SCN3A: variants seen among roughly 807,000 people sequenced by gnomAD.
The protein encoded by SCN3A is sodium channel protein type 3 subunit alpha.
In SCN3A, 60 loss-of-function variants were observed where a neutral mutation model predicts 187.6. That is an observed-to-expected ratio of 0.32 (90% confidence interval 0.26 to 0.40). SCN3A has a LOEUF of 0.40. Ranked by LOEUF, SCN3A falls within the 10% of genes least tolerant of loss-of-function variation. SCN3A has a pLI of 1.00. For missense variants in SCN3A, 1,601 were observed against 2,428.2 expected (o/e 0.66, Z 7.16); for synonymous variants, 788 against 829.2 (o/e 0.95, Z 0.85).
rs769077073 is a variant in SCN3A at position 165,155,832 on chromosome 2, G to C, written c.1103C>G (p.Thr368Ser). The C allele has an allele frequency of 6.2e-7, 1 of 1,613,986 alleles. No individual in the cohort carries two copies. The highest frequency in any genetic ancestry group is 1.3e-5 in the African/African-American group (1 of 74,914). ...TAGAGACAGGAAAGCCCAGCTAAAGGTGTCAAAGCTTGTGTAGCCATAGTT... is the reference window on the plus strand; with the variant it reads ...TAGAGACAGGAAAGCCCAGCTAAAGCTGTCAAAGCTTGTGTAGCCATAGTT... ...NPNYGYTSFD[T>S]FSWAFLSLFR... Residue 368 changes from threonine (T) to serine (S), a missense_variant, in exon 10 of 28, where the codon ACC becomes AGC. This residue lies in a region of SCN3A where 47 missense variants were observed against 105.8 expected (regional missense o/e 0.44). Transcript: ENST00000283254.
At chr2:165,141,048 C>G (rs374415888) in intron 12 of SCN3A, 50 bp from the exon 13 acceptor site, 3 of 1,196,996 alleles carry the variant, frequency 2.5e-6, no homozygotes, top group Admixed American at 2.1e-5. Context: ...AGGGGAAGAA[C>G]GCAATTATTT....
chr2:165,203,263 A>G (rs1308425057), intron 1 of SCN3A, among the ~76,000 whole-genome samples: 2 of 152,016 alleles, frequency 1.3e-5, no homozygotes, highest in African/African-American at 2.4e-5. Flanking sequence ...TGAAGGTTCA[A>G]CCTCTTTTAA....
chr2:165,135,967 C>T (rs1308089553), intron 15 of SCN3A, among the ~76,000 whole-genome samples: 1 of 152,118 alleles, frequency 6.6e-6, no homozygotes, highest in African/African-American at 2.4e-5. Context: ...CACTTTCCCA[C>T]CTCATTATTT....
chr2:165,105,719 C>T (rs1276004826), intron 21 of SCN3A, among the ~76,000 whole-genome samples: 2 of 152,066 alleles, frequency 1.3e-5, no homozygotes, highest in Non-Finnish European at 2.9e-5. Context: ...GAAGTCCAGA[C>T]TGGGAGTGGT....
intron 1 of SCN3A, among the ~76,000 whole-genome samples, chr2:165,190,628 A>G (rs1368132564): frequency 6.8e-6 from 1 of 147,984 alleles, no homozygotes; most frequent in Non-Finnish European, 1.5e-5. Flanking sequence ...AAAACTTTGC[A>G]TCACTTTTTA....
intron 18 of SCN3A, among the ~76,000 whole-genome samples, chr2:165,116,341 TTAAC>T (rs1038534950): frequency 1.3e-5 from 2 of 152,178 alleles, no homozygotes; most frequent in Non-Finnish European, 2.9e-5. Context: ...AATACTTCCT[TTAAC>T]TAAATCATTG....
chr2:165,115,583 CA>C lies in SCN3A; in HGVS notation c.3394-9del. On this transcript the variant is annotated splice_polypyrimidine_tract_variant and intron_variant, in intron 18 of 27. Transcript: ENST00000283254. ...GCTGGTTGCATTTAATTTCTGGAAA[CA>C]AAATCCCATTTCAAAGATGTGATTT... The C allele has an allele frequency of 6.2e-7, 1 of 1,612,962 alleles. No homozygotes were observed. Among genetic ancestry groups the C allele is most frequent in the Non-Finnish European group, 8.5e-7 (1 of 1,179,394 alleles).
In SCN3A at chr2:165,137,981, A is replaced by C. The variant is rs1687768376; in HGVS notation, c.2289T>G (p.Asp763Glu). ...AGACAATGCAAATAGTGATGGCAAG[A>C]TCAACAAATGGATCCATAACAATTA... ...VNLIVMDPFV[D>E]LAITICIVLN... The change falls in exon 15 of 28, where the codon GAT (aspartate) becomes GAG (glutamate). Residue 763 changes from aspartate (D) to glutamate (E), a missense_variant. This residue lies in a region of SCN3A where 376 missense variants were observed against 476.0 expected (regional missense o/e 0.79). Transcript: ENST00000283254. 6.2e-7 allele frequency: 1 copy of C among 1,613,464 alleles called. No individual in the cohort carries two copies. The highest frequency in any genetic ancestry group is 8.5e-7 in the Non-Finnish European group (1 of 1,179,596).
rs112309296 is a variant in SCN3A at position 165,165,243 on chromosome 2, CCT to C, written c.474-725_474-724del. On this transcript the variant is annotated intron_variant, in intron 5 of 27. Coordinates refer to ENST00000283254, the MANE Select transcript of SCN3A (RefSeq NM_006922.4). ...CTCTCTCTGCCCTCCTTCCTCCCAC[CCT>C]GAGTGTATGTGTGTGTGTGTGCATG... 9.5e-3 allele frequency among the ~76,000 whole-genome samples: 1,441 copies of C among 151,556 alleles called. 16 individuals are homozygous for C. Among genetic ancestry groups the C allele is most frequent in the African/African-American group, 0.033 (1,359 of 41,294 alleles).
chr2:165,163,556 C>T, intron 7 of SCN3A, 62 bp downstream of exon 7: 1 of 1,551,422 alleles, frequency 6.4e-7, no homozygotes, highest in Non-Finnish European at 8.9e-7. Flanking sequence ...TGCTGTAAGT[C>T]ATATAAATTG....
At chr2:165,182,639 C>T (rs1690953972) in intron 2 of SCN3A, among the ~76,000 whole-genome samples, 1 of 150,044 alleles carries the variant, frequency 6.7e-6, no homozygotes. Context: ...TCCAGGTTTC[C>T]AGCTTAAGCC....
At position 165,140,373 on chromosome 2, in the gene SCN3A, T is replaced by C. The variant is rs1211444413; in HGVS notation, c.2019+278A>G. ...TATTTGTCTCGGTAGGTCTACCAAA[T>C]TTGCAGATATGTATTTCATAGCAGA... is the stretch of plus-strand genomic sequence containing the variant. On this transcript the variant is annotated intron_variant, in intron 13 of 27. Transcript: ENST00000283254. The surrounding 1 kb of genome is among the most constrained non-coding windows in gnomAD (Gnocchi z 4.2). Among the ~76,000 whole-genome samples, 1 of 152,074 alleles carries C rather than the reference T, an allele frequency of 6.6e-6. No homozygotes were observed. Among genetic ancestry groups the C allele is most frequent in the East Asian group, 1.9e-4 (1 of 5,166 alleles).
In SCN3A at chr2:165,090,445, G is replaced by C; in HGVS notation, c.5708C>G (p.Ser1903Cys). Residue 1903 changes from serine to cysteine, a missense_variant, in exon 28 of 28, where the codon TCT (serine) becomes TGT (cysteine). Physicochemically the swap from Ser to Cys is moderately radical, Grantham distance 112. Coordinates refer to ENST00000283254, the MANE Select transcript of SCN3A (RefSeq NM_006922.4). This position sits in a 1 kb window ranked among gnomAD's most constrained non-coding sequence, Gnocchi z 4.0. ...TTLKRKQEEV[S>C]AAIIQRNFRC... ...GAAATTACGCTGAATGATAGCGGCA[G>C]ACACCTCCTCTTGTTTACGTTTCAA... The C allele has an allele frequency of 6.2e-7, 1 of 1,613,984 alleles. No individual in the cohort carries two copies. Among genetic ancestry groups the C allele is most frequent in the Non-Finnish European group, 8.5e-7 (1 of 1,179,900 alleles).
intron 11 of SCN3A, among the ~76,000 whole-genome samples, chr2:165,151,171 G>A (rs149910310): frequency 7.9e-4 from 120 of 152,284 alleles, no homozygotes; most frequent in African/African-American, 2.8e-3. Flanking sequence ...TATGCCTAGA[G>A]TTGAGCTCAA....
chr2:165,164,259 C>T, intron 6 of SCN3A, 133 bp downstream of exon 6: 5 of 1,136,440 alleles, frequency 4.4e-6, no homozygotes, highest in Non-Finnish European at 6.5e-6. Context: ...AATATGTATT[C>T]TTAAAATACA....
intron 1 of SCN3A, among the ~76,000 whole-genome samples, chr2:165,188,493 A>G (rs1691377878): frequency 6.6e-6 from 1 of 152,142 alleles, no homozygotes. Flanking sequence ...CAGTGAGCAT[A>G]AGAATCACCT....
At position 165,088,605 on chromosome 2, in the gene SCN3A, A is replaced by G. The variant is rs570988598; in HGVS notation, c.*1545T>C. 2.0e-5 allele frequency: 3 copies of G among 152,662 alleles called. No homozygotes were observed. The highest frequency in any genetic ancestry group is 7.2e-5 in the African/African-American group (3 of 41,592). The allele number at this position is 152,662 out of a possible 1,614,324, so 9.5% of individuals were successfully genotyped here. A position where few individuals can be genotyped will look rare whatever the true frequency, so the allele number is the denominator to read the frequency against. ...CCATAAAACCCATTATCTAACTTTTATTTTAGGAAATTATCCATTGAAAAA... is the reference window on the plus strand; with the variant it reads ...CCATAAAACCCATTATCTAACTTTTGTTTTAGGAAATTATCCATTGAAAAA... On this transcript the variant is annotated 3_prime_UTR_variant, in exon 28 of 28. Coordinates refer to ENST00000283254, the MANE Select transcript of SCN3A (RefSeq NM_006922.4).
chr2:165,097,248 T>C lies in SCN3A; in HGVS notation c.4239+4A>G, dbSNP rs1685401609. The C allele has an allele frequency of 6.2e-7, 1 of 1,614,104 alleles. No homozygotes were observed. The highest frequency in any genetic ancestry group is 8.5e-7 in the Non-Finnish European group (1 of 1,179,962). The stretch of plus-strand genomic sequence containing the variant: ...TTTTCAAAACTCGTACAGTAGCCAC[T>C]TACCACTTGAAGCAGTGCAAGATAG... On this transcript the variant is annotated splice_donor_region_variant and intron_variant, in intron 23 of 27. Transcript: ENST00000283254.
chr2:165,134,702 C>A (rs993854463), intron 15 of SCN3A, among the ~76,000 whole-genome samples: 2 of 151,362 alleles, frequency 1.3e-5, no homozygotes, highest in African/African-American at 4.9e-5. Context: ...AGTGAGTTTG[C>A]CTGGTAAATG....
Sources: gnomAD v4.1 joint callset for allele counts (sites outside exome capture counted in the v4.1 genomes callset) on GRCh38, gnomAD v4.1.1 for gene constraint, gnomAD v4.1.1 regional missense constraint, Gnocchi (gnomAD v3.1) non-coding constraint, MANE v1.5 for transcripts, NCBI Gene and HGNC (gene_info 2026-07-23, HGNC 2026-07-21) for gene names.